Variants in LCORL observed in about 807,000 individuals in gnomAD.
The protein encoded by LCORL is ligand-dependent nuclear receptor corepressor-like protein.
In LCORL, 41 loss-of-function variants were observed where a neutral mutation model predicts 141.8. The observed-to-expected ratio is 0.29, with a 90% CI of 0.23 to 0.38. The LOEUF is 0.38. Among genes scored for constraint, LCORL ranks in the 10% least tolerant of loss-of-function variants. The probability of loss-of-function intolerance (pLI) is 1.00; values close to 1 mark genes in which losing one functional copy is unlikely to be tolerated. For synonymous variants in LCORL, 618 were observed against 694.1 expected, an observed-to-expected ratio of 0.89 and a Z score of 1.72; for missense variants, 1,759 against 2,035.0, an observed-to-expected ratio of 0.86 and a Z score of 2.61.
chr4:17,953,747 G>A (rs1711951217), intron 4 of LCORL, among the ~76,000 whole-genome samples: 1 of 152,256 alleles, frequency 6.6e-6, no homozygotes, highest in Admixed American at 6.5e-5. Context: ...GAGTGTTAAT[G>A]GTGCCAGGTA....
rs758210043 is a variant in LCORL at position 17,873,806 on chromosome 4, TCTA to T, written c.5181_5183del (p.Cys1727_Arg1728delinsTer). ...GACAGTTGAGCTTCCTCAAAAATAT[TCTA>T]CAGTCTTTTAAGGTTTTTGACCTCC... On this transcript the variant is annotated stop_gained and inframe_deletion, in exon 7 of 8. Transcript: ENST00000635767. LOFTEE classifies it high-confidence loss of function. 4 of 1,234,068 alleles carry T rather than the reference TCTA, an allele frequency of 3.2e-6. No individual in the cohort carries two copies. Among genetic ancestry groups the T allele is most frequent in the African/African-American group, 1.5e-5 (1 of 64,586 alleles). The allele number at this position is 1,234,068 out of a possible 1,614,324, so 76.4% of individuals were successfully genotyped here. A position where few individuals can be genotyped will look rare whatever the true frequency, so the allele number is the denominator to read the frequency against.
At chr4:17,842,390 C>A (rs199820978) in exon 8 of LCORL, 1 of 1,608,732 alleles carries the variant, frequency 6.2e-7, no homozygotes, top group African/African-American at 1.3e-5. Context: ...GTATGTCATG[C>A]ATGTCTAGAA....
intron 1 of LCORL, among the ~76,000 whole-genome samples, chr4:18,018,412 T>A (rs540047443): frequency 6.6e-6 from 1 of 152,096 alleles, no homozygotes; most frequent in Non-Finnish European, 1.5e-5. Context: ...ACAATGTAAG[T>A]AGAGATATTA....
chr4:17,849,693 T>C (rs1353062324), intron 7 of LCORL, among the ~76,000 whole-genome samples: 4 of 152,152 alleles, frequency 2.6e-5, no homozygotes, highest in Non-Finnish European at 5.9e-5. Context: ...ATCATGAAAA[T>C]GGCCATACTG....
chr4:17,849,053 A>G (rs1245111698), intron 7 of LCORL, among the ~76,000 whole-genome samples: 2 of 152,234 alleles, frequency 1.3e-5, no homozygotes, highest in East Asian at 3.9e-4. Flanking sequence ...GGAGCCCACC[A>G]CAGCTCAAGG....
chr4:17,869,415 A>C (rs894462178), intron 7 of LCORL, among the ~76,000 whole-genome samples: 56 of 152,094 alleles, frequency 3.7e-4, no homozygotes, highest in Non-Finnish European at 7.4e-5. Context: ...CCAACAACTA[A>C]GATAAACTCT....
intron 1 of LCORL, among the ~76,000 whole-genome samples, chr4:17,974,465 T>G (rs1716557409): frequency 6.6e-6 from 1 of 152,182 alleles, no homozygotes; most frequent in Non-Finnish European, 1.5e-5. Flanking sequence ...GTTCAGTAAC[T>G]TCTGAAAATC....
At chr4:17,881,589 T>A (rs1727579317) in intron 6 of LCORL, 2 of 980,344 alleles carry the variant, frequency 2.0e-6, no homozygotes, top group African/African-American at 3.5e-5. Context: ...AGCAAAATGA[T>A]CCCTGATTTA....
intron 4 of LCORL, among the ~76,000 whole-genome samples, chr4:17,926,092 A>G (rs892620337): frequency 6.6e-6 from 1 of 152,114 alleles, no homozygotes; most frequent in African/African-American, 2.4e-5. Context: ...GTTAGGCATA[A>G]TTATTACATT....
chr4:17,957,829 A>G (rs986391200), intron 4 of LCORL, among the ~76,000 whole-genome samples: 2 of 151,968 alleles, frequency 1.3e-5, no homozygotes, highest in Non-Finnish European at 2.9e-5. Flanking sequence ...GGCAACCTAT[A>G]TAAGAGAAAT....
intron 5 of LCORL, among the ~76,000 whole-genome samples, chr4:17,892,939 T>C (rs1382329342): frequency 1.3e-5 from 2 of 152,238 alleles, no homozygotes; most frequent in Non-Finnish European, 2.9e-5. Context: ...ATGGTTTGTA[T>C]ACTTATTGCA....
At chr4:17,888,666 A>G (rs1395016045) in intron 5 of LCORL, among the ~76,000 whole-genome samples, 1 of 152,158 alleles carries the variant, frequency 6.6e-6, no homozygotes, top group Non-Finnish European at 1.5e-5. Context: ...TTCTCCCATG[A>G]GACTGAATCC....
chr4:17,970,761 G>A (rs994603521), intron 2 of LCORL, among the ~76,000 whole-genome samples: 1 of 152,122 alleles, frequency 6.6e-6, no homozygotes, highest in South Asian at 2.1e-4. Flanking sequence ...AAACCTCATG[G>A]GAAAGACTGA....
In LCORL at chr4:17,864,932, G is replaced by C. The variant is rs144945063; in HGVS notation, c.5602+8456C>G. 2.4e-3 allele frequency among the ~76,000 whole-genome samples: 363 copies of C among 152,218 alleles called. 1 individual carries two copies. The highest frequency in any genetic ancestry group is 7.8e-3 in the African/African-American group (324 of 41,526). On this transcript the variant is annotated intron_variant, in intron 7 of 7. Coordinates refer to ENST00000635767, the Ensembl canonical transcript of LCORL. ...AGGTTAATTTCATAACGATAAAAAAGCCAATTAATAAAAAGTACCTAACAA... is the reference window on the plus strand; with the variant it reads ...AGGTTAATTTCATAACGATAAAAAACCCAATTAATAAAAAGTACCTAACAA...
In LCORL at chr4:17,887,689, A is replaced by G. The variant is rs1300557445; in HGVS notation, c.683-1528T>C. On this transcript the variant is annotated intron_variant, in intron 5 of 7. Transcript: ENST00000635767. ...CAAGAACTTCGCATTTCATTCTGAC[A>G]GAGACAGGAAGCCACTGGAGAATTC... Among the ~76,000 whole-genome samples the G allele has an allele frequency of 5.9e-5, 9 of 152,298 alleles. 1 individual carries two copies. The South Asian group carries it at 1.4e-3, about 25-fold the overall frequency.
intron 7 of LCORL, among the ~76,000 whole-genome samples, chr4:17,860,102 G>A (rs117643357): frequency 6.6e-6 from 1 of 152,154 alleles, no homozygotes; most frequent in Non-Finnish European, 1.5e-5. Flanking sequence ...ATTCCTATCA[G>A]ACTGCCAATG....
chr4:17,915,993 T>C (rs935159637), intron 4 of LCORL, among the ~76,000 whole-genome samples: 4 of 152,130 alleles, frequency 2.6e-5, no homozygotes, highest in African/African-American at 9.7e-5. Flanking sequence ...AACATAGAAA[T>C]TGCCCCTTCT....
Position 17,884,314 on chromosome 4 carries a change from A to G in LCORL, c.776+1754T>C. On this transcript the variant is annotated intron_variant, in intron 6 of 7. Coordinates refer to ENST00000635767, the Ensembl canonical transcript of LCORL. This position sits in a 1 kb window ranked among gnomAD's most constrained non-coding sequence, Gnocchi z 4.4. ...TTTTTAACTGTACAGTAGGATTTGA[A>G]GTTTCATATTGGAGGCTTTCATTTT... 1 of 1,548,774 alleles carries G rather than the reference A, an allele frequency of 6.5e-7. No homozygotes were observed. Among genetic ancestry groups the G allele is most frequent in the Non-Finnish European group, 8.7e-7 (1 of 1,145,884 alleles).
At chr4:17,841,728 C>T (rs1324887703) in exon 8 of LCORL, 2 of 151,812 alleles carry the variant, frequency 1.3e-5, no homozygotes, top group African/African-American at 4.8e-5. Context: ...ACTCCTTAAC[C>T]TTGTAAATTT....
Sources: gnomAD v4.1 joint callset for allele counts (sites outside exome capture counted in the v4.1 genomes callset) on GRCh38, gnomAD v4.1.1 for gene constraint, Gnocchi (gnomAD v3.1) non-coding constraint, MANE v1.5 for transcripts, NCBI Gene and HGNC (gene_info 2026-07-23, HGNC 2026-07-21) for gene names.